The following CNTN5 variants were observed in gnomAD, a reference collection of about 807,000 sequenced individuals.
CNTN5 encodes the protein contactin-5.
In CNTN5, 77 loss-of-function variants were observed where a neutral mutation model predicts 129.1. The observed-to-expected ratio is 0.60, with a 90% CI of 0.50 to 0.72. The LOEUF is 0.72. CNTN5 is among the 30% of genes least tolerant of loss of function. CNTN5 has a pLI of 0.00. For missense variants in CNTN5, 1,478 were observed against 1,328.8 expected, an observed-to-expected ratio of 1.11 and a Z score of -1.75; for synonymous variants, 509 against 465.6, an observed-to-expected ratio of 1.09 and a Z score of -1.20.
chr11:99,890,311 A>G (rs564636880), intron 6 of CNTN5, among the ~76,000 whole-genome samples: 19 of 152,292 alleles, frequency 1.2e-4, no homozygotes, highest in Non-Finnish European at 1.8e-4. Flanking sequence ...AACACAAAAT[A>G]TAAAATATCT....
intron 2 of CNTN5, among the ~76,000 whole-genome samples, chr11:99,454,488 G>A (rs1944423891): frequency 6.6e-6 from 1 of 152,026 alleles, no homozygotes; most frequent in African/African-American, 2.4e-5. Context: ...ACTTCTTCCT[G>A]CTGCCTTGTG....
At chr11:100,217,470 A>G (rs1392571582) in intron 15 of CNTN5, among the ~76,000 whole-genome samples, 1 of 152,232 alleles carries the variant, frequency 6.6e-6, no homozygotes, top group Non-Finnish European at 1.5e-5. Context: ...CATAAAATGT[A>G]TAGCTACTGT....
chr11:100,155,446 C>A (rs545603242), intron 13 of CNTN5, among the ~76,000 whole-genome samples: 1 of 151,730 alleles, frequency 6.6e-6, no homozygotes, highest in African/African-American at 2.4e-5. Context: ...GTTTGAAGTC[C>A]GAGAGCATGA....
At chr11:99,364,668 A>T (rs990058741) in intron 2 of CNTN5, among the ~76,000 whole-genome samples, 6 of 152,130 alleles carry the variant, frequency 3.9e-5, no homozygotes, top group Non-Finnish European at 8.8e-5. Flanking sequence ...AATTTTAAAA[A>T]ACTCTCCATT....
intron 1 of CNTN5, among the ~76,000 whole-genome samples, chr11:99,150,211 CTG>C (rs1859985626): frequency 6.6e-6 from 1 of 151,926 alleles, no homozygotes; most frequent in Non-Finnish European, 1.5e-5. Flanking sequence ...TCACAAATGA[CTG>C]TAATTTTTAT....
chr11:99,032,028 G>C (rs991548148), intron 1 of CNTN5, among the ~76,000 whole-genome samples: 2 of 149,022 alleles, frequency 1.3e-5, no homozygotes, highest in Non-Finnish European at 3.0e-5. Flanking sequence ...TTGGTTTTTT[G>C]TTCTTGCGAT....
chr11:100,063,982 C>T (rs1021638466), intron 10 of CNTN5, among the ~76,000 whole-genome samples: 3 of 152,136 alleles, frequency 2.0e-5, no homozygotes, highest in Non-Finnish European at 4.4e-5. Context: ...CTTTCCTCCC[C>T]ATCAAACTCT....
intron 1 of CNTN5, among the ~76,000 whole-genome samples, chr11:99,153,802 C>T (rs11218567): frequency 0.18 from 26,726 of 146,234 alleles, 3,477 homozygotes; most frequent in East Asian, 0.68. Flanking sequence ...TGAAGTTACT[C>T]CCCTTTGAAT....
intron 3 of CNTN5, among the ~76,000 whole-genome samples, chr11:99,641,526 G>A (rs1030289690): frequency 1.3e-5 from 2 of 152,098 alleles, no homozygotes; most frequent in African/African-American, 4.8e-5. Context: ...GGAAGTTCAC[G>A]GGTGGAGAAA....
At chr11:99,628,301 T>TAAGAGACAACACTGCCTAA (rs1469567496) in intron 3 of CNTN5, among the ~76,000 whole-genome samples, 1 of 152,034 alleles carries the variant, frequency 6.6e-6, no homozygotes, top group Non-Finnish European at 1.5e-5. Flanking sequence ...TAACTGTTTT[T>TAAGAGACAACACTGCCTAA]AAGAGACAAC....
chr11:100,000,712 T>A, intron 8 of CNTN5, among the ~76,000 whole-genome samples: 1 of 152,200 alleles, frequency 6.6e-6, no homozygotes, highest in East Asian at 1.9e-4. Context: ...CCATTAGGGA[T>A]CTTTCCCTGC....
intron 3 of CNTN5, among the ~76,000 whole-genome samples, chr11:99,786,953 C>T (rs1764428970): frequency 6.6e-6 from 1 of 152,076 alleles, no homozygotes; most frequent in Non-Finnish European, 1.5e-5. Context: ...TAGACAAATT[C>T]TTATTTAGAT....
chr11:99,022,126 C>A (rs920590497), intron 1 of CNTN5, among the ~76,000 whole-genome samples: 1 of 152,066 alleles, frequency 6.6e-6, no homozygotes, highest in African/African-American at 2.4e-5. Context: ...ATGTTCAATG[C>A]CTTACCTACA....
At chr11:99,707,866 T>C (rs949542677) in intron 3 of CNTN5, among the ~76,000 whole-genome samples, 5 of 151,582 alleles carry the variant, frequency 3.3e-5, no homozygotes, top group African/African-American at 1.2e-4. Flanking sequence ...GTCCCCCTTT[T>C]TGTCCAAAAT....
intron 1 of CNTN5, among the ~76,000 whole-genome samples, chr11:99,186,901 AAG>A (rs1341261889): frequency 3.9e-5 from 6 of 151,954 alleles, no homozygotes; most frequent in Non-Finnish European, 7.4e-5. Flanking sequence ...AGAATGGAAA[AAG>A]AGAATAGTAG....
At chr11:99,501,008 C>T (rs1946407129) in intron 2 of CNTN5, among the ~76,000 whole-genome samples, 1 of 152,070 alleles carries the variant, frequency 6.6e-6, no homozygotes, top group African/African-American at 2.4e-5. Context: ...TTGATATATG[C>T]ACCATGCATA....
chr11:100,180,172 C>T (rs192551753), intron 13 of CNTN5, among the ~76,000 whole-genome samples: 70 of 151,802 alleles, frequency 4.6e-4, no homozygotes, highest in East Asian at 1.5e-3. Flanking sequence ...ACTATCTTGA[C>T]GAAGAACAAA....
At chr11:100,122,610 T>C (rs1447817267) in intron 13 of CNTN5, among the ~76,000 whole-genome samples, 1 of 151,990 alleles carries the variant, frequency 6.6e-6, no homozygotes, top group African/African-American at 2.4e-5. Context: ...GCAATGTGAA[T>C]GTCTGGGGAG....
intron 1 of CNTN5, among the ~76,000 whole-genome samples, chr11:99,312,211 A>G (rs1865143341): frequency 6.6e-6 from 1 of 152,230 alleles, no homozygotes; most frequent in Non-Finnish European, 1.5e-5. Context: ...AATTTTATCC[A>G]TATCATTTGC....
Sources: gnomAD v4.1 joint callset for allele counts (sites outside exome capture counted in the v4.1 genomes callset) on GRCh38, gnomAD v4.1.1 for gene constraint, MANE v1.5 for transcripts, NCBI Gene and HGNC (gene_info 2026-07-23, HGNC 2026-07-21) for gene names.